The following FSTL4 variants were observed in gnomAD, a reference collection of about 807,000 sequenced individuals.
FSTL4 encodes the protein follistatin-related protein 4.
A neutral mutation model predicts 78.2 loss-of-function variants in FSTL4; 28 were observed. The observed-to-expected ratio is 0.36, with a 90% CI of 0.27 to 0.49. The LOEUF is 0.49. Ranked by LOEUF, FSTL4 falls within the 20% of genes least tolerant of loss-of-function variation. The pLI, the probability that FSTL4 is intolerant of heterozygous loss-of-function variation, is 0.98. For synonymous variants in FSTL4, 422 were observed against 440.5 expected (o/e 0.96, Z 0.53); for missense variants, 922 against 1,084.9 (o/e 0.85, Z 2.11).
chr5:133,781,365 TTGTGTGTGTGTGTGTGTGTGTG>T, the FSTL4 span, among the ~76,000 whole-genome samples: 2 of 143,304 alleles, frequency 1.4e-5, no homozygotes, highest in Admixed American at 6.9e-5. Context: ...TGTTAAGCGG[TTGTGTGTGTGTGTGTGTGTGTG>T]TGTGTGTGTG....
chr5:133,551,561 A>G (rs931434161), intron 3 of FSTL4, among the ~76,000 whole-genome samples: 117 of 152,204 alleles, frequency 7.7e-4, no homozygotes, highest in African/African-American at 2.6e-3. Flanking sequence ...AGCCATGCTC[A>G]TGCTCCGCTG....
At chr5:133,437,171 G>A (rs1757049631) in intron 3 of FSTL4, among the ~76,000 whole-genome samples, 1 of 152,140 alleles carries the variant, frequency 6.6e-6, no homozygotes, top group Non-Finnish European at 1.5e-5. Context: ...GGTTAGTGAT[G>A]GGGAAAGACC....
At chr5:133,660,602 G>C in the FSTL4 span, among the ~76,000 whole-genome samples, 1 of 152,144 alleles carries the variant, frequency 6.6e-6, no homozygotes, top group East Asian at 1.9e-4. Flanking sequence ...AGTTGTCTCG[G>C]TTCAAATGCC....
the FSTL4 span, among the ~76,000 whole-genome samples, chr5:133,756,936 A>G: frequency 2.0e-5 from 3 of 152,130 alleles, no homozygotes; most frequent in Non-Finnish European, 2.9e-5. Context: ...CACAGGAGTC[A>G]GCTCACCCCG....
chr5:133,841,886 G>GA, the FSTL4 span, among the ~76,000 whole-genome samples: 1 of 152,236 alleles, frequency 6.6e-6, no homozygotes, highest in South Asian at 2.1e-4. Flanking sequence ...GAGCTCAGCA[G>GA]AAAAAGGGCT....
chr5:133,630,227 T>C, the FSTL4 span, among the ~76,000 whole-genome samples: 1 of 152,286 alleles, frequency 6.6e-6, no homozygotes, highest in African/African-American at 2.4e-5. Context: ...GCAGATGACA[T>C]GATTGTATAT....
At chr5:133,474,250 A>AC in intron 3 of FSTL4, among the ~76,000 whole-genome samples, 1 of 152,040 alleles carries the variant, frequency 6.6e-6, no homozygotes, top group Non-Finnish European at 1.5e-5. Flanking sequence ...CCAGTTTTTG[A>AC]CCCCTGCATC....
chr5:133,449,600 G>T (rs146011527), intron 3 of FSTL4, among the ~76,000 whole-genome samples: 2 of 152,276 alleles, frequency 1.3e-5, no homozygotes, highest in East Asian at 3.9e-4. Flanking sequence ...CTGAAAGGGC[G>T]GATTACAGGG....
intron 2 of FSTL4, among the ~76,000 whole-genome samples, chr5:133,576,750 A>G (rs1164693207): frequency 6.6e-6 from 1 of 152,246 alleles, no homozygotes; most frequent in African/African-American, 2.4e-5. Flanking sequence ...TTTATGAACC[A>G]ATTAGTACAG....
chr5:133,370,267 G>A (rs755086979), intron 4 of FSTL4, among the ~76,000 whole-genome samples: 3 of 152,162 alleles, frequency 2.0e-5, no homozygotes, highest in African/African-American at 4.8e-5. Flanking sequence ...AAGGTCGCTT[G>A]GAATATGGCA....
intron 6 of FSTL4, among the ~76,000 whole-genome samples, chr5:133,301,968 AG>A (rs1473663851): frequency 1.3e-5 from 2 of 152,110 alleles, no homozygotes; most frequent in African/African-American, 4.8e-5. Flanking sequence ...GCCCACAGCC[AG>A]GGGAAGATTT....
At chr5:133,644,298 A>G in the FSTL4 span, among the ~76,000 whole-genome samples, 1,000 of 151,958 alleles carry the variant, frequency 6.6e-3, 13 homozygotes, top group African/African-American at 0.023. Flanking sequence ...AAAAAACTAA[A>G]GTCTTTTTTG....
chr5:133,258,079 T>C (rs2126831810), intron 6 of FSTL4, among the ~76,000 whole-genome samples: 1 of 152,332 alleles, frequency 6.6e-6, no homozygotes, highest in Admixed American at 6.5e-5. Context: ...GCTGTGTGTT[T>C]CCAAATGCCA....
the FSTL4 span, among the ~76,000 whole-genome samples, chr5:133,683,933 C>T: frequency 6.6e-6 from 1 of 152,168 alleles, no homozygotes. Context: ...GACGTGGGCT[C>T]TGCTAATTGC....
At chr5:133,775,462 A>G in the FSTL4 span, among the ~76,000 whole-genome samples, 1 of 152,224 alleles carries the variant, frequency 6.6e-6, no homozygotes, top group South Asian at 2.1e-4. Flanking sequence ...TATAACAATT[A>G]TTCAGCCCCG....
At chr5:133,635,900 G>A in the FSTL4 span, among the ~76,000 whole-genome samples, 2 of 152,230 alleles carry the variant, frequency 1.3e-5, no homozygotes, top group African/African-American at 4.8e-5. Flanking sequence ...GCCCAGTGGT[G>A]AGAGGAGAGG....
rs113006634 is a variant in FSTL4, at chr5:133,227,030, G to A, written c.1016-1211C>T. 3.6e-3 allele frequency among the ~76,000 whole-genome samples: 554 copies of A among 152,282 alleles called. 3 individuals carry two copies. Among genetic ancestry groups the A allele is most frequent in the African/African-American group, 0.012 (518 of 41,566 alleles). On this transcript the variant is annotated intron_variant, in intron 8 of 15. Coordinates refer to ENST00000265342, the MANE Select transcript of FSTL4 (RefSeq NM_015082.2). Reference sequence around the variant, plus strand: ...GCTCATAATTCCATCAACTCAGTCTGAATTTCAAATCTTTTCTTGATCTGT... The same window carrying A: ...GCTCATAATTCCATCAACTCAGTCTAAATTTCAAATCTTTTCTTGATCTGT...
the FSTL4 span, among the ~76,000 whole-genome samples, chr5:133,829,590 G>A: frequency 6.6e-6 from 1 of 152,194 alleles, no homozygotes; most frequent in African/African-American, 2.4e-5. Context: ...GCTGACAGGT[G>A]CTTTCCTTGT....
chr5:133,298,893 G>A lies in FSTL4; in HGVS notation c.727+13761C>T, dbSNP rs1010212207. 2.6e-5 allele frequency among the ~76,000 whole-genome samples: 4 copies of A among 152,302 alleles called. No individual in the cohort carries two copies. The East Asian group carries it at 5.8e-4, about 22-fold the overall frequency. ...GTCCCTTTGGTGAGACTGAGGCCCCGGCCAGAGCCTTTGTGGTTGTGCCAT... is the reference window on the plus strand; with the variant it reads ...GTCCCTTTGGTGAGACTGAGGCCCCAGCCAGAGCCTTTGTGGTTGTGCCAT... On this transcript the variant is annotated intron_variant, in intron 6 of 15. Coordinates refer to ENST00000265342, the MANE Select transcript of FSTL4 (RefSeq NM_015082.2).
Sources: allele counts gnomAD v4.1 joint callset (sites outside exome capture counted in the v4.1 genomes callset), GRCh38; gene constraint gnomAD v4.1.1; transcripts MANE v1.5; gene names NCBI Gene and HGNC (gene_info 2026-07-23, HGNC 2026-07-21).